Variants in AGBL1 observed in about 807,000 individuals in gnomAD.
AGBL1 encodes cytosolic carboxypeptidase 4.
A neutral mutation model predicts 118.9 loss-of-function variants in AGBL1; 130 were observed. That is an observed-to-expected ratio of 1.09 (90% CI 0.95 to 1.26). The LOEUF (loss-of-function observed/expected upper bound fraction) is 1.26. AGBL1 is among the 50% of genes most tolerant of loss of function. The pLI is 0.00. For synonymous variants in AGBL1, 555 were observed against 478.9 expected, an observed-to-expected ratio of 1.16 and a Z score of -2.08; for missense variants, 1,584 against 1,298.1, an observed-to-expected ratio of 1.22 and a Z score of -3.38.
At chr15:86,455,218 G>A (rs1343835009) in intron 18 of AGBL1, among the ~76,000 whole-genome samples, 2 of 152,134 alleles carry the variant, frequency 1.3e-5, no homozygotes, top group Non-Finnish European at 2.9e-5. Flanking sequence ...CTGGTTCTTA[G>A]CACAGTGCCT....
chr15:86,443,128 G>A (rs996781943), intron 18 of AGBL1, among the ~76,000 whole-genome samples: 4 of 152,166 alleles, frequency 2.6e-5, no homozygotes, highest in Non-Finnish European at 4.4e-5. Flanking sequence ...CTGAGCCGGA[G>A]AAACCTAGTG....
At chr15:86,379,846 A>G (rs1027329488) in intron 17 of AGBL1, among the ~76,000 whole-genome samples, 11 of 152,192 alleles carry the variant, frequency 7.2e-5, no homozygotes, top group African/African-American at 2.4e-4. Context: ...GAGCAGTCCA[A>G]TCTTAACCAT....
In AGBL1 at chr15:87,019,315, A is replaced by G. The variant is rs965079527; in HGVS notation, c.3324-9510A>G. On this transcript the variant is annotated intron_variant, in intron 24 of 24. Coordinates refer to the AGBL1 transcript ENST00000441037. The stretch of plus-strand genomic sequence containing the variant: ...CTCTCCACCCAAAACAACAGAATAT[A>G]TATTCTTCTCATCACTACACAGCAC... 5.3e-5 allele frequency among the ~76,000 whole-genome samples: 8 copies of G among 152,236 alleles called. No homozygotes were observed. In the South Asian group the frequency reaches 1.5e-3, roughly 28 times the overall value.
chr15:86,480,203 C>T (rs893416344), intron 18 of AGBL1, among the ~76,000 whole-genome samples: 3 of 152,008 alleles, frequency 2.0e-5, no homozygotes, highest in East Asian at 3.9e-4. Flanking sequence ...TGTGCACATG[C>T]ACCCTAGGAC....
At chr15:86,142,899 C>T (rs2076982386) in intron 2 of AGBL1, among the ~76,000 whole-genome samples, 1 of 152,184 alleles carries the variant, frequency 6.6e-6, no homozygotes, top group African/African-American at 2.4e-5. Context: ...GATTACTTTG[C>T]CTCTTGCAGA....
intron 23 of AGBL1, among the ~76,000 whole-genome samples, chr15:86,978,958 A>G (rs1219815180): frequency 2.0e-5 from 3 of 152,210 alleles, no homozygotes; most frequent in Non-Finnish European, 1.5e-5. Context: ...TTTCAAATTC[A>G]CACTCAAACT....
rs140428423 is a variant in AGBL1 at position 86,699,102 on chromosome 15, T to A, written c.3158+24666T>A. 2.4e-3 allele frequency among the ~76,000 whole-genome samples: 372 copies of A among 152,114 alleles called. 1 individual carries two copies. Among genetic ancestry groups the A allele is most frequent in the African/African-American group, 8.4e-3 (347 of 41,546 alleles). ...TCTCAGGTAACATGCCTTTCATATT[T>A]TTTTTAGTGTTTTAATGTTAACCTT... On this transcript the variant is annotated intron_variant, in intron 22 of 22. Transcript: ENST00000614907.
intron 22 of AGBL1, among the ~76,000 whole-genome samples, chr15:86,681,101 C>G (rs1026054242): frequency 6.6e-6 from 1 of 152,206 alleles, no homozygotes; most frequent in South Asian, 2.1e-4. Context: ...TTATCTTCCT[C>G]TGAAGTGTTT....
At chr15:86,528,094 G>T (rs1449351103) in intron 19 of AGBL1, among the ~76,000 whole-genome samples, 6 of 152,088 alleles carry the variant, frequency 3.9e-5, no homozygotes, top group Admixed American at 6.5e-5. Flanking sequence ...GTCCTTTTCT[G>T]GGGGGAGGAG....
intron 23 of AGBL1, among the ~76,000 whole-genome samples, chr15:86,955,352 A>C (rs1387350418): frequency 1.3e-5 from 2 of 152,110 alleles, no homozygotes; most frequent in African/African-American, 4.8e-5. Flanking sequence ...GGTTGCTAAC[A>C]AAATAGTACT....
chr15:86,722,290 T>A (rs1039887804), intron 22 of AGBL1, among the ~76,000 whole-genome samples: 2 of 152,192 alleles, frequency 1.3e-5, no homozygotes, highest in African/African-American at 4.8e-5. Context: ...AAGAGCATGG[T>A]ACTGGTACCA....
At chr15:86,708,224 T>A (rs1432197420) in intron 22 of AGBL1, among the ~76,000 whole-genome samples, 1 of 152,016 alleles carries the variant, frequency 6.6e-6, no homozygotes, top group Non-Finnish European at 1.5e-5. Flanking sequence ...GACCCAATAT[T>A]TGGAGATAGG....
intron 24 of AGBL1, among the ~76,000 whole-genome samples, chr15:87,013,539 T>C (rs1229092458): frequency 6.6e-6 from 1 of 152,096 alleles, no homozygotes; most frequent in Non-Finnish European, 1.5e-5. Context: ...AATAGTTTTT[T>C]TTTTTTTACA....
At chr15:86,863,189 T>G (rs1465788789) in intron 22 of AGBL1, among the ~76,000 whole-genome samples, 1 of 152,190 alleles carries the variant, frequency 6.6e-6, no homozygotes, top group Non-Finnish European at 1.5e-5. Context: ...AGATAAATAC[T>G]GGAGCTGGAA....
chr15:86,773,650 A>C (rs189434604), intron 22 of AGBL1, among the ~76,000 whole-genome samples: 2 of 151,864 alleles, frequency 1.3e-5, no homozygotes, highest in East Asian at 3.9e-4. Flanking sequence ...GTATAATAAT[A>C]AAAAAAGAAA....
At chr15:86,651,607 G>A (rs1009059980) in intron 21 of AGBL1, among the ~76,000 whole-genome samples, 1 of 152,122 alleles carries the variant, frequency 6.6e-6, no homozygotes, top group Non-Finnish European at 1.5e-5. Context: ...CTGGCTCCTG[G>A]AGCATTGACG....
chr15:86,849,331 G>A (rs1161050527), intron 22 of AGBL1, among the ~76,000 whole-genome samples: 3 of 152,174 alleles, frequency 2.0e-5, no homozygotes, highest in Non-Finnish European at 2.9e-5. Context: ...CGGCCAGGCT[G>A]CTATGCACGC....
chr15:86,601,385 A>G (rs1362453214), intron 21 of AGBL1, among the ~76,000 whole-genome samples: 1 of 152,082 alleles, frequency 6.6e-6, no homozygotes, highest in Non-Finnish European at 1.5e-5. Context: ...CTAATAATAC[A>G]ATTATTTTGC....
At chr15:86,931,151 C>T (rs533913385) in intron 23 of AGBL1, among the ~76,000 whole-genome samples, 1 of 152,338 alleles carries the variant, frequency 6.6e-6, no homozygotes, top group South Asian at 2.1e-4. Flanking sequence ...GACAATGCTT[C>T]CTTTCCTTAA....
Sources: allele counts gnomAD v4.1 joint callset (sites outside exome capture counted in the v4.1 genomes callset), GRCh38; gene constraint gnomAD v4.1.1; transcripts MANE v1.5; gene names NCBI Gene and HGNC (gene_info 2026-07-23, HGNC 2026-07-21).